The following PCDHA3 variants were observed in gnomAD, a reference collection of about 807,000 sequenced individuals.
PCDHA3 encodes protocadherin alpha 3.
In PCDHA3, 41 loss-of-function variants were observed where a neutral mutation model predicts 62.2. The observed-to-expected ratio is 0.66, with a 90% CI of 0.51 to 0.86. The LOEUF is 0.86. Among genes scored for constraint, PCDHA3 ranks in the 40% least tolerant of loss-of-function variants. The probability of loss-of-function intolerance (pLI) is 0.00; values close to 1 mark genes in which losing one functional copy is unlikely to be tolerated. For synonymous variants in PCDHA3, 640 were observed against 555.4 expected (o/e 1.15, Z -2.14); for missense variants, 1,304 against 1,241.2 (o/e 1.05, Z -0.76).
rs782681619 is a variant in PCDHA3, at chr5:141,009,600, A to G, written c.2543-27A>G. On this transcript the variant is annotated intron_variant, in intron 3 of 3. Coordinates refer to ENST00000522353, the MANE Select transcript of PCDHA3 (RefSeq NM_018906.3). ...ATCAAGAGCATGTGTTGACCCTGTT[A>G]ATGATTTGTAATGTTTTGTCTTTCA... The G allele has an allele frequency of 1.9e-6, 3 of 1,607,002 alleles. No individual in the cohort carries two copies. In the Admixed American group the frequency reaches 5.0e-5, roughly 27 times the overall value.
intron 1 of PCDHA3, among the ~76,000 whole-genome samples, chr5:140,964,891 G>A (rs76642459): frequency 0.016 from 2,494 of 152,302 alleles, 68 homozygotes; most frequent in African/African-American, 0.056. Context: ...AGTGATAGGA[G>A]GCTGGGCGCT....
intron 1 of PCDHA3, chr5:140,842,572 A>C (rs2150339542): frequency 0.42 from 640,316 of 1,537,946 alleles, 166,648 homozygotes; most frequent in South Asian, 0.52. Context: ...ACCGCGAGAG[A>C]GTGTCGGCCT....
In PCDHA3 at chr5:140,801,285, C is replaced by A; in HGVS notation, c.88C>A (p.Gln30Lys). The A allele has an allele frequency of 6.2e-7, 1 of 1,613,574 alleles. No homozygotes were observed. Among genetic ancestry groups the A allele is most frequent in the Non-Finnish European group, 8.5e-7 (1 of 1,179,908 alleles). Reference protein sequence around the residue: ...LLAASEVGSGQLHYSVSEEAK... With the variant: ...LLAASEVGSGKLHYSVSEEAK... The stretch of plus-strand genomic sequence containing the variant: ...CGCAGCCTCGGAGGTGGGGAGCGGC[C>A]AGCTCCACTACTCCGTCTCTGAGGA... The change falls in exon 1 of 4, where the codon CAG (glutamine) becomes AAG (lysine). Residue 30 changes from glutamine to lysine, a missense_variant. Physicochemically the swap from Gln to Lys is moderately conservative, Grantham distance 53. Coordinates refer to ENST00000522353, the MANE Select transcript of PCDHA3 (RefSeq NM_018906.3).
At chr5:140,880,009 T>C (rs2058206618) in intron 1 of PCDHA3, among the ~76,000 whole-genome samples, 1 of 152,232 alleles carries the variant, frequency 6.6e-6, no homozygotes, top group African/African-American at 2.4e-5. Context: ...TTATTCACCA[T>C]ATAAAGTAAA....
chr5:140,859,119 T>C (rs1275680120), intron 1 of PCDHA3: 2 of 150,176 alleles, frequency 1.3e-5, no homozygotes, highest in African/African-American at 4.9e-5. Context: ...AAAATGTATG[T>C]TTCTTTTATT....
At chr5:140,821,884 G>C in intron 1 of PCDHA3, 33 of 1,614,242 alleles carry the variant, frequency 2.0e-5, no homozygotes, top group Non-Finnish European at 2.7e-5. Flanking sequence ...GATCCCGGAG[G>C]AAGCCAAACA....
At chr5:140,968,339 A>C in intron 1 of PCDHA3, 1 of 1,614,114 alleles carries the variant, frequency 6.2e-7, no homozygotes, top group Non-Finnish European at 8.5e-7. Flanking sequence ...TGTCTCCATT[A>C]ACAGTGCCAG....
intron 1 of PCDHA3, chr5:140,862,484 G>A (rs2047390468): frequency 2.6e-6 from 1 of 382,510 alleles, no homozygotes; most frequent in Non-Finnish European, 5.2e-6. Context: ...TCCATTGTTG[G>A]TAATCGCTCG....
intron 3 of PCDHA3, among the ~76,000 whole-genome samples, chr5:141,002,446 G>T (rs1456078562): frequency 1.3e-5 from 2 of 152,156 alleles, no homozygotes; most frequent in Admixed American, 6.5e-5. Context: ...ATAATAATTG[G>T]CACATTTGTA....
intron 1 of PCDHA3, chr5:140,830,239 G>T (rs1770921442): frequency 1.2e-6 from 2 of 1,613,826 alleles, no homozygotes; most frequent in South Asian, 1.1e-5. Context: ...TCACGCTACT[G>T]CTGTACACAG....
intron 1 of PCDHA3, chr5:140,836,268 G>A: frequency 6.2e-7 from 1 of 1,613,816 alleles, no homozygotes; most frequent in African/African-American, 1.3e-5. Flanking sequence ...GCTGTACACT[G>A]GTGAGATCAG....
chr5:140,900,563 C>G (rs1174778855), intron 1 of PCDHA3, among the ~76,000 whole-genome samples: 4 of 152,164 alleles, frequency 2.6e-5, no homozygotes, highest in Non-Finnish European at 5.9e-5. Flanking sequence ...AGGCGTGAGC[C>G]ACGGCACCGG....
chr5:140,926,537 T>G, intron 1 of PCDHA3: 10 of 211,562 alleles, frequency 4.7e-5, no homozygotes, highest in Non-Finnish European at 7.4e-5. Flanking sequence ...GCAGCCAGCG[T>G]GGTGGTCGAG....
intron 1 of PCDHA3, among the ~76,000 whole-genome samples, chr5:140,895,581 TTAGA>T (rs1442561424): frequency 6.6e-6 from 1 of 152,216 alleles, no homozygotes; most frequent in Non-Finnish European, 1.5e-5. Flanking sequence ...AATTACTTTA[TTAGA>T]TATATAATTT....
intron 3 of PCDHA3, among the ~76,000 whole-genome samples, chr5:140,993,224 G>A (rs547665525): frequency 6.6e-6 from 1 of 152,210 alleles, no homozygotes; most frequent in East Asian, 1.9e-4. Context: ...TTTTTGGTAT[G>A]TTCTCTCTGA....
Position 140,972,800 on chromosome 5 carries a change from A to G in PCDHA3, c.2395-6149A>G, listed in dbSNP as rs937312575. ...TGCCTCAGCCTCCTGAGTAGCTGAGATTACAGGCACGCGCCACCACGCCTG... is the reference window on the plus strand; with the variant it reads ...TGCCTCAGCCTCCTGAGTAGCTGAGGTTACAGGCACGCGCCACCACGCCTG... On this transcript the variant is annotated intron_variant, in intron 1 of 3. Transcript: ENST00000522353. Among the ~76,000 whole-genome samples, 8 of 151,520 alleles carry G rather than the reference A, an allele frequency of 5.3e-5. No individual in the cohort carries two copies. In the South Asian group the frequency reaches 6.3e-4, roughly 12 times the overall value.
rs2150234771 is a variant in PCDHA3, at chr5:140,835,383, T to C, written c.2394+31792T>C. ...AGGCTTCCCACCCCTGGCTGGTCAT[T>C]GTACAGTTCTTGTGGAAGTTGTGGA... On this transcript the variant is annotated intron_variant, in intron 1 of 3. Coordinates refer to ENST00000522353, the MANE Select transcript of PCDHA3 (RefSeq NM_018906.3). The C allele has an allele frequency of 7.4e-6, 12 of 1,613,968 alleles. No individual in the cohort carries two copies. In the South Asian group the frequency reaches 1.3e-4, roughly 18 times the overall value.
intron 1 of PCDHA3, among the ~76,000 whole-genome samples, chr5:140,837,516 C>G (rs1775087693): frequency 1.3e-5 from 2 of 151,568 alleles, no homozygotes; most frequent in Admixed American, 6.6e-5. Flanking sequence ...AAGCAGTTTA[C>G]TTTTTTTGTA....
At chr5:140,922,068 A>C (rs1554200634) in intron 1 of PCDHA3, among the ~76,000 whole-genome samples, 1 of 152,196 alleles carries the variant, frequency 6.6e-6, no homozygotes, top group African/African-American at 2.4e-5. Context: ...TAGCAATCCC[A>C]CTAAGCAAAA....
Sources: allele counts gnomAD v4.1 joint callset (sites outside exome capture counted in the v4.1 genomes callset), GRCh38; gene constraint gnomAD v4.1.1; transcripts MANE v1.5; gene names NCBI Gene and HGNC (gene_info 2026-07-23, HGNC 2026-07-21).